The following CALN1 variants were observed in gnomAD, a reference collection of about 807,000 sequenced individuals.
The protein encoded by CALN1 is calcium-binding protein 8.
CALN1 carries 17 observed loss-of-function variants against 30.6 expected under a neutral mutation model. The observed-to-expected ratio is 0.56, with a 90% CI of 0.38 to 0.83. The LOEUF (loss-of-function observed/expected upper bound fraction) is 0.83. Ranked by LOEUF, CALN1 falls within the 40% of genes least tolerant of loss-of-function variation. The pLI is 0.00. For synonymous variants in CALN1, 156 were observed against 131.4 expected (o/e 1.19, Z -1.28); for missense variants, 291 against 354.9 (o/e 0.82, Z 1.45).
intron 3 of CALN1, among the ~76,000 whole-genome samples, chr7:72,113,679 G>C (rs1006292755): frequency 1.3e-5 from 2 of 152,166 alleles, no homozygotes; most frequent in African/African-American, 4.8e-5. Flanking sequence ...GTCTCCACTG[G>C]TTGTCTATTT....
At chr7:72,115,194 ATATAT>A (rs1807886384) in intron 3 of CALN1, among the ~76,000 whole-genome samples, 1 of 145,330 alleles carries the variant, frequency 6.9e-6, no homozygotes, top group Non-Finnish European at 1.5e-5. Context: ...ATACAATTAT[ATATAT>A]TAATGTATAA....
intron 5 of CALN1, among the ~76,000 whole-genome samples, chr7:71,944,594 C>CAAAAAAAAAA (rs10677940): frequency 3.8e-4 from 23 of 60,018 alleles, no homozygotes; most frequent in African/African-American, 8.7e-4. Flanking sequence ...AACTCCATCC[C>CAAAAAAAAAA]AAAAAAAAAA....
intron 2 of CALN1, among the ~76,000 whole-genome samples, chr7:72,365,234 G>A (rs1803810942): frequency 6.6e-6 from 1 of 152,116 alleles, no homozygotes; most frequent in African/African-American, 2.4e-5. Flanking sequence ...GAACCCAGGA[G>A]GGTTCAGCAA....
At chr7:72,079,251 C>T (rs968089326) in intron 4 of CALN1, among the ~76,000 whole-genome samples, 13 of 152,098 alleles carry the variant, frequency 8.5e-5, no homozygotes, top group South Asian at 6.2e-4. Flanking sequence ...TCTGTGCTTC[C>T]GTGTTCTCAT....
At chr7:71,834,348 TAAAAAAAAAAAAA>T (rs60091117) in intron 5 of CALN1, among the ~76,000 whole-genome samples, 1 of 89,830 alleles carries the variant, frequency 1.1e-5, no homozygotes, top group Non-Finnish European at 2.1e-5. Flanking sequence ...CGATCCACCC[TAAAAAAAAAAAAA>T]AAAAAAAAAA....
At chr7:72,199,758 CAGG>C (rs1330071727) in intron 3 of CALN1, among the ~76,000 whole-genome samples, 1 of 151,946 alleles carries the variant, frequency 6.6e-6, no homozygotes, top group Non-Finnish European at 1.5e-5. Context: ...CGCTGGAGCC[CAGG>C]AGGTCAAGAT....
At chr7:72,499,865 CTTT>C in the CALN1 span, among the ~76,000 whole-genome samples, 5 of 57,714 alleles carry the variant, frequency 8.7e-5, no homozygotes, top group Non-Finnish European at 1.6e-4. Flanking sequence ...TTCTTTCTTT[CTTT>C]CTTTCTTTCT....
chr7:71,880,975 A>G (rs1169160199), intron 5 of CALN1, among the ~76,000 whole-genome samples: 1 of 152,186 alleles, frequency 6.6e-6, no homozygotes, highest in Non-Finnish European at 1.5e-5. Flanking sequence ...GTGGACTGGG[A>G]GAGGCAGATC....
chr7:71,852,756 G>A (rs193071787), intron 5 of CALN1, among the ~76,000 whole-genome samples: 198 of 152,074 alleles, frequency 1.3e-3, no homozygotes, highest in Middle Eastern at 3.4e-3. Flanking sequence ...TTTTTTTCTG[G>A]GCAAGAAGTG....
intron 6 of CALN1, among the ~76,000 whole-genome samples, chr7:71,790,301 GAGAA>G (rs1224489169): frequency 4.3e-4 from 59 of 136,212 alleles, no homozygotes; most frequent in African/African-American, 1.2e-3. Flanking sequence ...AGGAAGGAAG[GAGAA>G]AGAAAGAAGA....
chr7:72,409,052 G>C (rs1232369969), intron 1 of CALN1, among the ~76,000 whole-genome samples: 2 of 151,906 alleles, frequency 1.3e-5, no homozygotes, highest in Admixed American at 6.6e-5. Flanking sequence ...CTAGACTGCA[G>C]TGGCACTATC....
chr7:72,503,029 CCA>C, the CALN1 span, among the ~76,000 whole-genome samples: 1 of 151,986 alleles, frequency 6.6e-6, no homozygotes, highest in Non-Finnish European at 1.5e-5. Context: ...GGCTATAATC[CCA>C]GTTATTCAGG....
chr7:72,190,172 A>G (rs1409630312), intron 3 of CALN1, among the ~76,000 whole-genome samples: 1 of 152,156 alleles, frequency 6.6e-6, no homozygotes, highest in Non-Finnish European at 1.5e-5. Flanking sequence ...CCTGGCCAAC[A>G]TGGCAAAACC....
intron 1 of CALN1, among the ~76,000 whole-genome samples, chr7:72,422,030 C>T (rs1428972679): frequency 6.6e-6 from 1 of 152,148 alleles, no homozygotes; most frequent in Non-Finnish European, 1.5e-5. Flanking sequence ...ACTTGTGGAT[C>T]GACCCGCACT....
intron 5 of CALN1, among the ~76,000 whole-genome samples, chr7:71,953,582 C>T (rs566616880): frequency 9.1e-4 from 138 of 152,200 alleles, no homozygotes; most frequent in African/African-American, 3.1e-3. Flanking sequence ...GGTGCTTTCA[C>T]GCCTATTAAC....
At chr7:71,840,104 C>T (rs1419957567) in intron 5 of CALN1, among the ~76,000 whole-genome samples, 1 of 152,166 alleles carries the variant, frequency 6.6e-6, no homozygotes, top group Non-Finnish European at 1.5e-5. Flanking sequence ...ATTTTCCTAT[C>T]CTTTAAGCCA....
chr7:72,064,785 C>T (rs1215559309), intron 4 of CALN1, among the ~76,000 whole-genome samples: 2 of 151,866 alleles, frequency 1.3e-5, no homozygotes, highest in African/African-American at 2.4e-5. Context: ...CTCAAAAATC[C>T]ATAATACTTC....
intron 5 of CALN1, among the ~76,000 whole-genome samples, chr7:71,826,768 C>T (rs1788940125): frequency 6.6e-6 from 1 of 152,176 alleles, no homozygotes; most frequent in Non-Finnish European, 1.5e-5. Flanking sequence ...CCTCTGCCTC[C>T]CAGGCTCCAG....
At chr7:72,269,200 G>C (rs771430985) in intron 3 of CALN1, among the ~76,000 whole-genome samples, 5 of 152,140 alleles carry the variant, frequency 3.3e-5, no homozygotes, top group African/African-American at 4.8e-5. Flanking sequence ...CCAGATGCAA[G>C]GTGAGATTTT....
Sources: allele counts gnomAD v4.1 joint callset (sites outside exome capture counted in the v4.1 genomes callset), GRCh38; gene constraint gnomAD v4.1.1; transcripts MANE v1.5; gene names NCBI Gene and HGNC (gene_info 2026-07-23, HGNC 2026-07-21).